Variants in KIAA1549L observed in about 807,000 individuals in gnomAD.
The protein encoded by KIAA1549L is KIAA1549 like.
A neutral mutation model predicts 160.7 loss-of-function variants in KIAA1549L; 88 were observed. The observed-to-expected ratio is 0.55, with a 90% CI of 0.46 to 0.65. KIAA1549L has a LOEUF of 0.65. KIAA1549L is among the 30% of genes least tolerant of loss of function. The pLI, the probability that KIAA1549L is intolerant of heterozygous loss-of-function variation, is 0.00. For synonymous variants in KIAA1549L, 950 were observed against 976.7 expected, an observed-to-expected ratio of 0.97 and a Z score of 0.51; for missense variants, 2,258 against 2,437.5, an observed-to-expected ratio of 0.93 and a Z score of 1.55.
intron 8 of KIAA1549L, among the ~76,000 whole-genome samples, chr11:33,563,442 C>T: frequency 6.6e-6 from 1 of 151,784 alleles, no homozygotes; most frequent in East Asian, 1.9e-4. Context: ...GGAAGATGTG[C>T]CTGGGTAAGC....
chr11:33,587,829 A>C (rs1186885436), intron 11 of KIAA1549L, among the ~76,000 whole-genome samples: 1 of 152,168 alleles, frequency 6.6e-6, no homozygotes, highest in Non-Finnish European at 1.5e-5. Flanking sequence ...GTTCTTGGGA[A>C]GTCTTAGCTG....
chr11:33,455,015 G>A (rs1344783609), intron 1 of KIAA1549L, among the ~76,000 whole-genome samples: 2 of 152,194 alleles, frequency 1.3e-5, no homozygotes, highest in African/African-American at 2.4e-5. Flanking sequence ...CGTGAACCCA[G>A]GAGGCAGAGT....
At chr11:33,593,159 A>T (rs1484016815) in intron 12 of KIAA1549L, among the ~76,000 whole-genome samples, 1 of 152,208 alleles carries the variant, frequency 6.6e-6, no homozygotes, top group African/African-American at 2.4e-5. Context: ...GGCTGGGTGC[A>T]TGGCTCACAC....
chr11:33,553,128 A>C (rs1854524150), intron 6 of KIAA1549L, among the ~76,000 whole-genome samples: 1 of 152,170 alleles, frequency 6.6e-6, no homozygotes. Flanking sequence ...TAGATGCTCT[A>C]AACAGCCCTT....
At chr11:33,530,436 A>ATATATATATATATGT (rs1422236534) in intron 1 of KIAA1549L, among the ~76,000 whole-genome samples, 1 of 11,892 alleles carries the variant, frequency 8.4e-5, no homozygotes, top group South Asian at 4.0e-3. Context: ...AAAAAAAAAA[A>ATATATATATATATGT]ATATATATAT....
intron 16 of KIAA1549L, among the ~76,000 whole-genome samples, chr11:33,632,144 T>C (rs921664340): frequency 6.6e-6 from 1 of 152,150 alleles, no homozygotes; most frequent in African/African-American, 2.4e-5. Flanking sequence ...ACAGGGTGAA[T>C]TGTTTACGGT....
In KIAA1549L at chr11:33,518,662, T is replaced by C. The variant is rs912718900; in HGVS notation, c.239-23140T>C. ...AGTTACTATTTTGCTTTCTACTTGC[T>C]ATGATATTATAAAGTCTGTTTTATT... On this transcript the variant is annotated intron_variant, in intron 1 of 20. Coordinates refer to ENST00000658780, the MANE Select transcript of KIAA1549L (RefSeq NM_012194.3). Among the ~76,000 whole-genome samples the C allele has an allele frequency of 5.9e-5, 9 of 152,376 alleles. No homozygotes were observed. The East Asian group carries it at 1.7e-3, about 29-fold the overall frequency.
At chr11:33,443,506 A>G (rs1851550564) in intron 1 of KIAA1549L, among the ~76,000 whole-genome samples, 1 of 152,132 alleles carries the variant, frequency 6.6e-6, no homozygotes, top group African/African-American at 2.4e-5. Context: ...CTTCCAACTC[A>G]CACTACTAGT....
chr11:33,547,540 G>C (rs1046522265), intron 3 of KIAA1549L, among the ~76,000 whole-genome samples: 1 of 152,134 alleles, frequency 6.6e-6, no homozygotes. Context: ...CAGCATACCA[G>C]CTCTCTCTCT....
intron 1 of KIAA1549L, among the ~76,000 whole-genome samples, chr11:33,396,083 G>T (rs1017159388): frequency 6.6e-6 from 1 of 152,052 alleles, no homozygotes; most frequent in Non-Finnish European, 1.5e-5. Flanking sequence ...CCCTGGTGTT[G>T]TGTCTTTGCT....
chr11:33,454,468 G>A (rs1324614558), intron 1 of KIAA1549L, among the ~76,000 whole-genome samples: 1 of 152,134 alleles, frequency 6.6e-6, no homozygotes, highest in East Asian at 1.9e-4. Flanking sequence ...TCTGTGCCTG[G>A]GGTAGGTCTA....
rs1854889405 is a variant in KIAA1549L, at chr11:33,562,320, A to G, written c.4078+585A>G. On this transcript the variant is annotated intron_variant, in intron 8 of 20. Coordinates refer to ENST00000658780, the MANE Select transcript of KIAA1549L (RefSeq NM_012194.3). The stretch of plus-strand genomic sequence containing the variant: ...GCCAGACAGTAGTTTCGGGATTGAG[A>G]GCTGAAGAACAGATGTTTGTAGGAG... Among the ~76,000 whole-genome samples, 2 of 152,170 alleles carry G rather than the reference A, an allele frequency of 1.3e-5. 1 individual carries two copies. The highest frequency in any genetic ancestry group is 1.3e-4 in the Admixed American group (2 of 15,274).
At chr11:33,457,249 C>A (rs574382111) in intron 1 of KIAA1549L, among the ~76,000 whole-genome samples, 1 of 152,286 alleles carries the variant, frequency 6.6e-6, no homozygotes, top group Admixed American at 6.5e-5. Context: ...TGAATTCTTC[C>A]CCTCTCTTAA....
intron 1 of KIAA1549L, among the ~76,000 whole-genome samples, chr11:33,526,545 G>T (rs183883002): frequency 6.6e-6 from 1 of 152,134 alleles, no homozygotes; most frequent in Non-Finnish European, 1.5e-5. Flanking sequence ...TGGTAGCCCC[G>T]CTGGGTGGCT....
intron 17 of KIAA1549L, among the ~76,000 whole-genome samples, chr11:33,654,774 A>G (rs1852007352): frequency 1.3e-5 from 2 of 152,230 alleles, no homozygotes; most frequent in African/African-American, 4.8e-5. Context: ...GGGTAGGGGA[A>G]TAGTCCCTTG....
chr11:33,623,282 AT>A (rs1851009360), intron 16 of KIAA1549L, among the ~76,000 whole-genome samples: 1 of 151,970 alleles, frequency 6.6e-6, no homozygotes, highest in African/African-American at 2.4e-5. Context: ...GGATTTGGAG[AT>A]TTTGTCCTTT....
intron 1 of KIAA1549L, among the ~76,000 whole-genome samples, chr11:33,506,405 C>T (rs931580528): frequency 6.6e-6 from 1 of 152,160 alleles, no homozygotes; most frequent in Non-Finnish European, 1.5e-5. Context: ...TGTTTCATCA[C>T]CATTTCTGCT....
At chr11:33,503,047 C>G (rs1383053386) in intron 1 of KIAA1549L, among the ~76,000 whole-genome samples, 1 of 152,114 alleles carries the variant, frequency 6.6e-6, no homozygotes, top group Non-Finnish European at 1.5e-5. Flanking sequence ...AACAAGCACA[C>G]CTGTGTAATT....
chr11:33,434,616 C>G (rs902597595), intron 1 of KIAA1549L, among the ~76,000 whole-genome samples: 1 of 152,196 alleles, frequency 6.6e-6, no homozygotes, highest in South Asian at 2.1e-4. Flanking sequence ...TTCTCCTGTT[C>G]TGGGCCCCAC....
Sources: gnomAD v4.1 joint callset for allele counts (sites outside exome capture counted in the v4.1 genomes callset) on GRCh38, gnomAD v4.1.1 for gene constraint, MANE v1.5 for transcripts, NCBI Gene and HGNC (gene_info 2026-07-23, HGNC 2026-07-21) for gene names.